Variants in VPS37A observed in about 807,000 individuals in gnomAD.
The protein encoded by VPS37A is VPS37A subunit of ESCRT-I, also known as vacuolar protein sorting-associated protein 37A.
A neutral mutation model predicts 49.8 loss-of-function variants in VPS37A; 30 were observed. The observed-to-expected ratio is 0.60, with a 90% CI of 0.45 to 0.82. The LOEUF is 0.82. Among genes scored for constraint, VPS37A ranks in the 40% least tolerant of loss-of-function variants. VPS37A has a pLI of 0.00. For synonymous variants in VPS37A, 195 were observed against 160.6 expected (o/e 1.21, Z -1.62); for missense variants, 593 against 464.4 (o/e 1.28, Z -2.55).
chr8:17,255,100 T>A (rs1379882470), intron 1 of VPS37A, among the ~76,000 whole-genome samples: 1 of 152,216 alleles, frequency 6.6e-6, no homozygotes, highest in Non-Finnish European at 1.5e-5. Context: ...TCCATTTCCT[T>A]GCAGGATGCT....
At chr8:17,319,854 A>G in the VPS37A span, among the ~76,000 whole-genome samples, 1 of 152,140 alleles carries the variant, frequency 6.6e-6, no homozygotes, top group Admixed American at 6.5e-5. Flanking sequence ...TTGGTTCCCA[A>G]ATACCATCAG....
At chr8:17,288,191 C>G (rs1815792866) in intron 11 of VPS37A, among the ~76,000 whole-genome samples, 1 of 152,008 alleles carries the variant, frequency 6.6e-6, no homozygotes, top group African/African-American at 2.4e-5. Context: ...TACCTCTATT[C>G]CCTCATAGTC....
the VPS37A span, among the ~76,000 whole-genome samples, chr8:17,323,245 C>T: frequency 6.6e-6 from 1 of 152,026 alleles, no homozygotes. Flanking sequence ...CCACACCCAG[C>T]CAACAGAATT....
chr8:17,312,444 G>A, the VPS37A span, among the ~76,000 whole-genome samples: 4 of 151,936 alleles, frequency 2.6e-5, no homozygotes, highest in African/African-American at 7.3e-5. Flanking sequence ...GCATAGTGGC[G>A]CGTGCCAGTA....
At chr8:17,286,691 GTCAGT>G in intron 11 of VPS37A, 1 of 341,070 alleles carries the variant, frequency 2.9e-6, no homozygotes, top group Non-Finnish European at 5.4e-6. Context: ...GTAAGTTATA[GTCAGT>G]TCCTTTCTCT....
At chr8:17,298,997 A>ATG (rs1425992409), downstream of VPS37A, 1 of 152,198 alleles carries the variant, frequency 6.6e-6, no homozygotes, top group Non-Finnish European at 1.5e-5. Flanking sequence ...TCACTCACAG[A>ATG]TGTTTTATCT....
At chr8:17,267,841 A>C (rs1160729207) in intron 2 of VPS37A, among the ~76,000 whole-genome samples, 2 of 152,162 alleles carry the variant, frequency 1.3e-5, no homozygotes, top group African/African-American at 4.8e-5. Context: ...CAGCATTCTC[A>C]AAGTAGAAAA....
Position 17,267,467 on chromosome 8 carries a change from T to TTGTGTGTG in VPS37A, c.201-779_201-772dup, listed in dbSNP as rs10688047. On this transcript the variant is annotated intron_variant, in intron 2 of 11. Transcript: ENST00000324849. ...GTTCAAAAAAGGTTAAAATTTCTGCTTGTGTGTGTGTGTGTGTGTTGAAAA... is the reference window on the plus strand; with the variant it reads ...GTTCAAAAAAGGTTAAAATTTCTGCTTGTGTGTGTGTGTGTGTGTGTGTGTGTTGAAAA... Among the ~76,000 whole-genome samples, 73 of 151,432 alleles carry TTGTGTGTG rather than the reference T, an allele frequency of 4.8e-4. 1 individual carries two copies. The highest frequency in any genetic ancestry group is 3.4e-3 in the Middle Eastern group (1 of 292).
intron 11 of VPS37A, among the ~76,000 whole-genome samples, chr8:17,291,733 A>T (rs1816179160): frequency 6.6e-6 from 1 of 152,034 alleles, no homozygotes; most frequent in African/African-American, 2.4e-5. Context: ...TTCATTATTT[A>T]CCAAGTAGTC....
intron 10 of VPS37A, among the ~76,000 whole-genome samples, chr8:17,285,907 G>A (rs1238467295): frequency 2.0e-5 from 3 of 152,020 alleles, no homozygotes; most frequent in Admixed American, 6.6e-5. Context: ...AAGCAAGAGC[G>A]TTTTTTTGTT....
chr8:17,253,928 T>C (rs1812202678), intron 1 of VPS37A, among the ~76,000 whole-genome samples: 1 of 152,202 alleles, frequency 6.6e-6, no homozygotes, highest in Non-Finnish European at 1.5e-5. Context: ...TTTTTGGAGC[T>C]ATTTGTTTTA....
chr8:17,312,401 C>T, the VPS37A span, among the ~76,000 whole-genome samples: 1 of 151,896 alleles, frequency 6.6e-6, no homozygotes, highest in African/African-American at 2.4e-5. Flanking sequence ...ATGGTGAAAC[C>T]CCGTCTCTAC....
chr8:17,259,325 T>G (rs1358789753), intron 1 of VPS37A, among the ~76,000 whole-genome samples: 1 of 152,160 alleles, frequency 6.6e-6, no homozygotes, highest in Non-Finnish European at 1.5e-5. Flanking sequence ...TTAATTTCTT[T>G]GTCACCCCAT....
rs1816685677 is a variant in VPS37A, at chr8:17,296,853, C to T, written c.*1867C>T. 2 of 152,040 alleles carry T rather than the reference C, an allele frequency of 1.3e-5. No homozygotes were observed. Among genetic ancestry groups the T allele is most frequent in the Admixed American group, 1.3e-4 (2 of 15,258 alleles). The allele number at this position is 152,040 out of a possible 1,614,324, so 9.4% of individuals were successfully genotyped here. ...GAACTATCCCAGTTTCATTCTATACCATTCATTGGATAACCTTGTTACAAC... is the reference window on the plus strand; with the variant it reads ...GAACTATCCCAGTTTCATTCTATACTATTCATTGGATAACCTTGTTACAAC... On this transcript the variant is annotated 3_prime_UTR_variant, in exon 12 of 12. Coordinates refer to ENST00000324849, the MANE Select transcript of VPS37A (RefSeq NM_152415.3).
chr8:17,300,367 G>T (rs1445499704), downstream of VPS37A: 2 of 886,892 alleles, frequency 2.3e-6, no homozygotes, highest in Non-Finnish European at 1.7e-6. Context: ...TTCAAACCTG[G>T]ACTTCACGAC....
chr8:17,299,574 T>C (rs1203777707), downstream of VPS37A: 8 of 363,954 alleles, frequency 2.2e-5, no homozygotes, highest in South Asian at 3.9e-5. Flanking sequence ...TACTGATCAC[T>C]TCAGGTAATG....
At chr8:17,313,529 A>G in the VPS37A span, 1 of 579,362 alleles carries the variant, frequency 1.7e-6, no homozygotes, top group South Asian at 2.9e-5. Context: ...GCAAGCCTTA[A>G]GTCAAAATAA....
At chr8:17,274,518 A>G (rs1055048940) in intron 4 of VPS37A, among the ~76,000 whole-genome samples, 1 of 148,326 alleles carries the variant, frequency 6.7e-6, no homozygotes, top group Middle Eastern at 3.2e-3. Flanking sequence ...TGTAGAAACC[A>G]CAATTCTACA....
chr8:17,299,669 TA>T (rs1816969163), downstream of VPS37A: 1 of 688,252 alleles, frequency 1.5e-6, no homozygotes, highest in African/African-American at 1.8e-5. Flanking sequence ...TTATATTTGA[TA>T]AATGAAATGA....
Sources: gnomAD v4.1 joint callset for allele counts (sites outside exome capture counted in the v4.1 genomes callset) on GRCh38, gnomAD v4.1.1 for gene constraint, MANE v1.5 for transcripts, NCBI Gene and HGNC (gene_info 2026-07-23, HGNC 2026-07-21) for gene names.